FANCC: variants seen among roughly 807,000 people sequenced by gnomAD.
FANCC encodes Fanconi anemia group C protein.
FANCC carries 55 observed loss-of-function variants against 71.3 expected under a neutral mutation model. The ratio of observed to expected loss-of-function variants is 0.77; its 90% CI spans 0.62 to 0.97. The LOEUF (loss-of-function observed/expected upper bound fraction) is 0.97. FANCC is among the 50% of genes least tolerant of loss of function. The probability of loss-of-function intolerance (pLI) is 0.00; values close to 1 mark genes in which losing one functional copy is unlikely to be tolerated. For missense variants in FANCC, 678 were observed against 670.9 expected (o/e 1.01, Z -0.12); for synonymous variants, 275 against 244.9 (o/e 1.12, Z -1.15).
chr9:95,164,208 G>C (rs1335300133), intron 6 of FANCC, among the ~76,000 whole-genome samples: 1 of 152,152 alleles, frequency 6.6e-6, no homozygotes, highest in Non-Finnish European at 1.5e-5. Flanking sequence ...CATGTCATCT[G>C]TGAACAGAGA....
intron 1 of FANCC, among the ~76,000 whole-genome samples, chr9:95,262,429 C>T (rs1175794728): frequency 6.6e-6 from 1 of 152,064 alleles, no homozygotes; most frequent in Non-Finnish European, 1.5e-5. Context: ...AAACAGAAAA[C>T]CATCTCCCTT....
chr9:95,160,710 G>A (rs1235447712), intron 6 of FANCC, among the ~76,000 whole-genome samples: 2 of 152,154 alleles, frequency 1.3e-5, no homozygotes, highest in African/African-American at 4.8e-5. Context: ...TCCTTGAGCA[G>A]TGGTTTGTAG....
chr9:95,252,288 A>AAG (rs1554859154), intron 1 of FANCC, among the ~76,000 whole-genome samples: 1 of 149,474 alleles, frequency 6.7e-6, no homozygotes, highest in African/African-American at 2.5e-5. Context: ...AAAAAAAAAA[A>AAG]AAAAAAGAAA....
chr9:95,195,803 C>T (rs1258047253), intron 4 of FANCC, among the ~76,000 whole-genome samples: 2 of 152,174 alleles, frequency 1.3e-5, no homozygotes, highest in African/African-American at 4.8e-5. Context: ...CACTTTGTAA[C>T]TTTCATTAAA....
Position 95,103,275 on chromosome 9 carries a change from C to T in FANCC, c.1534-1425G>A, listed in dbSNP as rs934603080. 3.7e-4 allele frequency among the ~76,000 whole-genome samples: 56 copies of T among 152,162 alleles called. 1 individual carries two copies. The highest frequency in any genetic ancestry group is 3.3e-3 in the Admixed American group (51 of 15,286). Reference sequence around the variant, plus strand: ...CCAACACTCCTGGGTGGGCCCCTTCCCAGCTCTCTAGTCACATGCAAAAAT... The same window carrying T: ...CCAACACTCCTGGGTGGGCCCCTTCTCAGCTCTCTAGTCACATGCAAAAAT... On this transcript the variant is annotated intron_variant, in intron 14 of 14. Transcript: ENST00000289081.
chr9:95,228,582 C>A (rs1829780857), intron 4 of FANCC, among the ~76,000 whole-genome samples: 1 of 152,214 alleles, frequency 6.6e-6, no homozygotes, highest in Admixed American at 6.5e-5. Flanking sequence ...ACTCATGGAA[C>A]ATGTAACTTA....
intron 4 of FANCC, among the ~76,000 whole-genome samples, chr9:95,174,229 A>C (rs915894695): frequency 1.3e-5 from 2 of 152,102 alleles, no homozygotes; most frequent in Non-Finnish European, 2.9e-5. Flanking sequence ...TCTAGAGGAA[A>C]CGGACACTAT....
At chr9:95,235,365 A>C (rs552033365) in intron 4 of FANCC, among the ~76,000 whole-genome samples, 1 of 152,364 alleles carries the variant, frequency 6.6e-6, no homozygotes, top group East Asian at 1.9e-4. Context: ...CATGATTTTC[A>C]ATAACGGTGT....
chr9:95,294,194 G>A (rs2136328719), intron 1 of FANCC: 1 of 1,599,864 alleles, frequency 6.3e-7, no homozygotes, highest in Non-Finnish European at 8.6e-7. Context: ...ACAAATCCTG[G>A]ACCTGACACC....
At chr9:95,247,964 G>T (rs1351729252) in intron 2 of FANCC, among the ~76,000 whole-genome samples, 1 of 152,050 alleles carries the variant, frequency 6.6e-6, no homozygotes, top group African/African-American at 2.4e-5. Context: ...CAAAGAAGAA[G>T]GTTTAAAGGG....
chr9:95,260,265 C>T (rs769982166), intron 1 of FANCC, among the ~76,000 whole-genome samples: 4 of 152,110 alleles, frequency 2.6e-5, no homozygotes, highest in Non-Finnish European at 4.4e-5. Flanking sequence ...GCACTATTCA[C>T]AATAGCAAAG....
At chr9:95,193,607 C>T (rs1827240636) in intron 4 of FANCC, among the ~76,000 whole-genome samples, 1 of 152,166 alleles carries the variant, frequency 6.6e-6, no homozygotes, top group Admixed American at 6.5e-5. Context: ...GTTGGTAAGA[C>T]TGTGCAAGAC....
At position 95,101,361 on chromosome 9, in the gene FANCC, T is replaced by G. The variant is rs2071066469; in HGVS notation, c.*346A>C. On this transcript the variant is annotated 3_prime_UTR_variant, in exon 15 of 15. Transcript: ENST00000289081. The stretch of plus-strand genomic sequence containing the variant: ...GGTTCTAAGACTTTGAATTTTTAAA[T>G]AATAGATGTGCAGCTTGACTTGGGT... 1 of 398,318 alleles carries G rather than the reference T, an allele frequency of 2.5e-6. No individual in the cohort carries two copies. The highest frequency in any genetic ancestry group is 4.6e-6 in the Non-Finnish European group (1 of 215,230). 24.7% of individuals were successfully genotyped at this position (398,318 alleles called of 1,614,324 possible). A position where few individuals can be genotyped will look rare whatever the true frequency, so the allele number is the denominator to read the frequency against.
At chr9:95,173,797 G>C (rs1377675805) in intron 4 of FANCC, among the ~76,000 whole-genome samples, 1 of 152,020 alleles carries the variant, frequency 6.6e-6, no homozygotes, top group Non-Finnish European at 1.5e-5. Context: ...GCACATCTGT[G>C]GTCCCAGCTA....
intron 1 of FANCC, among the ~76,000 whole-genome samples, chr9:95,301,685 G>A (rs181415920): frequency 6.6e-6 from 1 of 152,196 alleles, no homozygotes; most frequent in East Asian, 1.9e-4. Flanking sequence ...GGGATTACAG[G>A]CGTGAGTTGC....
Position 95,314,107 on chromosome 9 carries a change from G to T in FANCC, c.-79+3419C>A, listed in dbSNP as rs191890021. Among the ~76,000 whole-genome samples the T allele has an allele frequency of 7.9e-5, 12 of 152,252 alleles. No homozygotes were observed. In the South Asian group the frequency reaches 1.2e-3, roughly 16 times the overall value. On this transcript the variant is annotated intron_variant, in intron 1 of 14. Transcript: ENST00000289081. ...AGAAAAAAATTAATCAGGCAAAAAA[G>T]AAACTAAAGGCATCCACATGGAAAG...
intron 13 of FANCC, chr9:95,107,660 C>T (rs1167783661): frequency 2.6e-6 from 1 of 382,424 alleles, no homozygotes; most frequent in African/African-American, 2.1e-5. Flanking sequence ...CAGACCTCCG[C>T]CGAGCCAGTG....
intron 4 of FANCC, among the ~76,000 whole-genome samples, chr9:95,173,382 C>T (rs1452410402): frequency 2.6e-5 from 4 of 151,936 alleles, no homozygotes; most frequent in African/African-American, 7.3e-5. Flanking sequence ...AGACCGATTA[C>T]GGGCTAACAG....
At chr9:95,275,652 G>A (rs144227381) in intron 1 of FANCC, among the ~76,000 whole-genome samples, 1 of 152,130 alleles carries the variant, frequency 6.6e-6, no homozygotes, top group African/African-American at 2.4e-5. Flanking sequence ...ACCTAAAACT[G>A]CTCTAAAAAA....
Sources: allele counts gnomAD v4.1 joint callset (sites outside exome capture counted in the v4.1 genomes callset), GRCh38; gene constraint gnomAD v4.1.1; transcripts MANE v1.5; gene names NCBI Gene and HGNC (gene_info 2026-07-23, HGNC 2026-07-21).